AQR: variants seen among roughly 807,000 people sequenced by gnomAD.
The protein encoded by AQR is RNA helicase aquarius.
In AQR, 61 loss-of-function variants were observed where a neutral mutation model predicts 180.5. The ratio of observed to expected loss-of-function variants is 0.34; its 90% CI spans 0.28 to 0.42. AQR has a LOEUF of 0.42. Among genes scored for constraint, AQR ranks in the 10% least tolerant of loss-of-function variants. The probability of loss-of-function intolerance (pLI) is 1.00; values close to 1 mark genes in which losing one functional copy is unlikely to be tolerated. For synonymous variants in AQR, 551 were observed against 588.8 expected (o/e 0.94, Z 0.93); for missense variants, 1,281 against 1,798.3 (o/e 0.71, Z 5.20).
At chr15:34,881,875 G>C (rs1019691759) in intron 27 of AQR, among the ~76,000 whole-genome samples, 4 of 151,986 alleles carry the variant, frequency 2.6e-5, no homozygotes, top group Admixed American at 6.6e-5. Flanking sequence ...GCACAATCTC[G>C]GCTCACTGCA....
chr15:34,966,869 CTTTTTTTTTTTTTT>C (rs148912380), intron 1 of AQR, among the ~76,000 whole-genome samples: 9 of 67,036 alleles, frequency 1.3e-4, no homozygotes, highest in African/African-American at 3.0e-4. Flanking sequence ...CCACCCTGGC[CTTTTTTTTTTTTTT>C]TTTTTTTTTT....
chr15:34,925,158 G>A (rs961469420), intron 13 of AQR, among the ~76,000 whole-genome samples: 2 of 151,948 alleles, frequency 1.3e-5, no homozygotes, highest in African/African-American at 4.8e-5. Context: ...AATATTAAAA[G>A]TTCTTTAAAA....
At chr15:34,906,440 T>C in intron 18 of AQR, 105 bp downstream of exon 18, 2 of 1,341,358 alleles carry the variant, frequency 1.5e-6, no homozygotes, top group East Asian at 2.4e-5. Context: ...GTCAATTTAG[T>C]AGGTAAAAGA....
chr15:34,856,350 G>C lies in AQR; in HGVS notation c.*442C>G, dbSNP rs1001496784. The C allele has an allele frequency of 2.5e-6, 1 of 392,696 alleles. No individual in the cohort carries two copies. 24.3% of individuals were successfully genotyped at this position (392,696 alleles called of 1,614,324 possible). A position where few individuals can be genotyped will look rare whatever the true frequency, so the allele number is the denominator to read the frequency against. On this transcript the variant is annotated 3_prime_UTR_variant, in exon 35 of 35. Transcript: ENST00000156471. The stretch of plus-strand genomic sequence containing the variant: ...CTTTACATAAAGACAGCAAACAAAG[G>C]TAAGAAAAAAGGAAACAGAATTTAA...
chr15:34,906,405 A>G, intron 18 of AQR, 140 bp downstream of exon 18: 1 of 973,200 alleles, frequency 1.0e-6, no homozygotes, highest in Non-Finnish European at 1.5e-6. Flanking sequence ...GGTACCCTAC[A>G]CATATTTGAT....
At chr15:34,951,750 C>G (rs1224408133) in intron 4 of AQR, among the ~76,000 whole-genome samples, 2 of 150,930 alleles carry the variant, frequency 1.3e-5, no homozygotes, top group Non-Finnish European at 2.9e-5. Context: ...CTGCCATTCT[C>G]TTGGTTTCTG....
intron 27 of AQR, among the ~76,000 whole-genome samples, chr15:34,880,465 C>T (rs758320837): frequency 3.3e-5 from 5 of 151,708 alleles, no homozygotes; most frequent in Non-Finnish European, 5.9e-5. Context: ...TCTAAATGTA[C>T]TAAGAAAATA....
intron 31 of AQR, 65 bp downstream of exon 31, chr15:34,870,687 C>A: frequency 1.4e-6 from 2 of 1,387,198 alleles, no homozygotes; most frequent in South Asian, 1.6e-5. Context: ...CAAAGCAGAA[C>A]AATATAAACC....
intron 20 of AQR, 112 bp downstream of exon 20, chr15:34,900,510 A>G (rs1008945371): frequency 2.2e-6 from 3 of 1,370,730 alleles, no homozygotes; most frequent in African/African-American, 2.9e-5. Context: ...AGGGACTGCT[A>G]AAACAAAATC....
chr15:34,896,550 A>AG (rs1893247197), intron 22 of AQR, among the ~76,000 whole-genome samples: 1 of 151,956 alleles, frequency 6.6e-6, no homozygotes, highest in South Asian at 2.1e-4. Context: ...TGTTAAAAAA[A>AG]AAAAAAAAAA....
intron 16 of AQR, 85 bp from the exon 17 acceptor site, chr15:34,910,398 T>A (rs1266145170): frequency 7.0e-7 from 1 of 1,425,532 alleles, no homozygotes; most frequent in African/African-American, 1.4e-5. Context: ...TAAGTAGGAA[T>A]ACTGTTCAGC....
At chr15:34,901,921 C>T (rs72717448) in intron 19 of AQR, among the ~76,000 whole-genome samples, 4,361 of 152,288 alleles carry the variant, frequency 0.029, 75 homozygotes, top group Non-Finnish European at 0.044. Context: ...AAGATCAGGG[C>T]TCTGCCCTCT....
chr15:34,947,184 T>G (rs551638770), intron 5 of AQR, among the ~76,000 whole-genome samples: 155 of 147,246 alleles, frequency 1.1e-3, no homozygotes, highest in Admixed American at 1.6e-3. Context: ...TCTTCTGCCT[T>G]GGGATCCTGT....
At chr15:34,954,462 C>A (rs1255864731) in intron 3 of AQR, among the ~76,000 whole-genome samples, 1 of 152,044 alleles carries the variant, frequency 6.6e-6, no homozygotes, top group Non-Finnish European at 1.5e-5. Context: ...TGTGCTACCA[C>A]GTCCAGCTAA....
intron 32 of AQR, chr15:34,863,243 T>C (rs1256672996): frequency 1.0e-5 from 5 of 482,450 alleles, no homozygotes; most frequent in Non-Finnish European, 1.8e-5. Flanking sequence ...ACTAACCTCT[T>C]GTTGGTTTTT....
At chr15:34,888,879 ATTTTTC>A (rs1893100260) in intron 24 of AQR, among the ~76,000 whole-genome samples, 1 of 152,138 alleles carries the variant, frequency 6.6e-6, no homozygotes, top group African/African-American at 2.4e-5. Context: ...AATAGTCATA[ATTTTTC>A]TTTTTAATTG....
intron 6 of AQR, chr15:34,943,149 A>T: frequency 6.2e-7 from 1 of 1,611,300 alleles, no homozygotes; most frequent in Admixed American, 1.7e-5. Flanking sequence ...CCATAAAGTG[A>T]CACAGTACAA....
intron 6 of AQR, chr15:34,943,479 AT>A (rs1291073465): frequency 2.0e-6 from 1 of 507,148 alleles, no homozygotes; most frequent in African/African-American, 2.0e-5. Context: ...AAATAAATAA[AT>A]AAAAATAAAT....
At chr15:34,946,001 T>C (rs141902721) in intron 5 of AQR, among the ~76,000 whole-genome samples, 1 of 152,326 alleles carries the variant, frequency 6.6e-6, no homozygotes, top group East Asian at 1.9e-4. Context: ...CCAGGCACAG[T>C]GACTCATGCC....
Sources: gnomAD v4.1 joint callset for allele counts (sites outside exome capture counted in the v4.1 genomes callset) on GRCh38, gnomAD v4.1.1 for gene constraint, MANE v1.5 for transcripts, NCBI Gene and HGNC (gene_info 2026-07-23, HGNC 2026-07-21) for gene names.